ITSN1: variants seen among roughly 807,000 people sequenced by gnomAD.
ITSN1 encodes the protein intersectin 1, also known as intersectin-1.
In ITSN1, 58 loss-of-function variants were observed where a neutral mutation model predicts 239.8. The ratio of observed to expected loss-of-function variants is 0.24; its 90% confidence interval spans 0.20 to 0.30. The LOEUF (loss-of-function observed/expected upper bound fraction) is 0.30, where lower values mean the gene tolerates loss of function less well. Among genes scored for constraint, ITSN1 ranks in the 10% least tolerant of loss-of-function variants. The probability of loss-of-function intolerance (pLI) is 1.00; values close to 1 mark genes in which losing one functional copy is unlikely to be tolerated. For missense variants in ITSN1, 1,558 were observed against 2,103.3 expected, an observed-to-expected ratio of 0.74 and a Z score of 5.07; for synonymous variants, 780 against 770.8, an observed-to-expected ratio of 1.01 and a Z score of -0.20.
intron 29 of ITSN1, among the ~76,000 whole-genome samples, chr21:33,856,273 C>T (rs1256138020): frequency 6.6e-6 from 1 of 152,136 alleles, no homozygotes; most frequent in Non-Finnish European, 1.5e-5. Context: ...TTCTAGGGTG[C>T]CCTAACAAAC....
intron 1 of ITSN1, among the ~76,000 whole-genome samples, chr21:33,702,660 T>G (rs1053800496): frequency 3.2e-4 from 49 of 152,366 alleles, no homozygotes; most frequent in African/African-American, 1.2e-3. Flanking sequence ...TTTTGATTTT[T>G]ATTTTTTGGA....
At chr21:33,816,272 A>G (rs2073263410) in intron 22 of ITSN1, among the ~76,000 whole-genome samples, 1 of 152,126 alleles carries the variant, frequency 6.6e-6, no homozygotes, top group Non-Finnish European at 1.5e-5. Flanking sequence ...AGCTTTCTCT[A>G]GCAATGCTTC....
At chr21:33,775,707 G>T (rs990226738) in intron 14 of ITSN1, among the ~76,000 whole-genome samples, 2 of 152,108 alleles carry the variant, frequency 1.3e-5, no homozygotes, top group South Asian at 4.2e-4. Flanking sequence ...GTGGGAGCTG[G>T]ATCACACAGA....
intron 1 of ITSN1, among the ~76,000 whole-genome samples, chr21:33,690,777 A>G (rs181490217): frequency 0.055 from 1,051 of 19,218 alleles, 46 homozygotes; most frequent in African/African-American, 0.097. Flanking sequence ...AAAAAAGTGT[A>G]TATATATATA....
chr21:33,839,333 CA>C (rs1414680819), intron 29 of ITSN1, among the ~76,000 whole-genome samples: 9 of 152,034 alleles, frequency 5.9e-5, no homozygotes, highest in Non-Finnish European at 1.3e-4. Context: ...CTGGCAGGGC[CA>C]GGGGAGGGTG....
rs1279151590 is a variant in ITSN1 at position 33,893,602 on chromosome 21, A to G, written c.*5302A>G. 1 of 152,204 alleles carries G rather than the reference A, an allele frequency of 6.6e-6. No homozygotes were observed. Among genetic ancestry groups the G allele is most frequent in the African/African-American group, 2.4e-5 (1 of 41,424 alleles). 9.4% of individuals were successfully genotyped at this position (152,204 alleles called of 1,614,324 possible). A position where few individuals can be genotyped will look rare whatever the true frequency, so the allele number is the denominator to read the frequency against. On this transcript the variant is annotated 3_prime_UTR_variant, in exon 40 of 40. Transcript: ENST00000381318. ...GAGAGTCCTTCTCAAAACAAACAAA[A>G]AAAGAGCTAATGCAGACCTCTTCTG...
At chr21:33,654,864 C>T (rs2088898421) in intron 1 of ITSN1, among the ~76,000 whole-genome samples, 2 of 152,174 alleles carry the variant, frequency 1.3e-5, no homozygotes. Flanking sequence ...CCACTCTCTT[C>T]CAGTCTGTTC....
intron 29 of ITSN1, among the ~76,000 whole-genome samples, chr21:33,845,328 G>C (rs961542503): frequency 1.3e-5 from 2 of 152,086 alleles, no homozygotes; most frequent in Non-Finnish European, 2.9e-5. Context: ...AAGTGCAAAG[G>C]CCAGGGCTGA....
chr21:33,643,189 C>T (rs1048519462), intron 1 of ITSN1, among the ~76,000 whole-genome samples: 6 of 151,824 alleles, frequency 4.0e-5, no homozygotes, highest in African/African-American at 1.4e-4. Flanking sequence ...GCCTGGAGCC[C>T]CGGCTCCTTC....
At chr21:33,836,906 T>C in intron 29 of ITSN1, 1 of 1,211,808 alleles carries the variant, frequency 8.3e-7, no homozygotes, top group Non-Finnish European at 1.2e-6. Context: ...CCATGCTGTT[T>C]ACATGCCTGA....
chr21:33,740,831 A>G (rs1362451745), intron 5 of ITSN1, among the ~76,000 whole-genome samples: 2 of 152,228 alleles, frequency 1.3e-5, no homozygotes, highest in Non-Finnish European at 2.9e-5. Flanking sequence ...TTGGGAGGCC[A>G]AGGCTGGAGG....
At position 33,851,440 on chromosome 21, in the gene ITSN1, C is replaced by A. The variant is rs914579631; in HGVS notation, c.3662-5296C>A. On this transcript the variant is annotated intron_variant, in intron 29 of 39. Coordinates refer to ENST00000381318, the MANE Select transcript of ITSN1 (RefSeq NM_003024.3). ...TTGAGACAGAGTCTCGCTCTGTCAC[C>A]CAGGCTGGAGTGCAGTGGTGCGACC... Among the ~76,000 whole-genome samples the A allele has an allele frequency of 2.6e-5, 4 of 151,910 alleles. 1 individual carries two copies. The highest frequency in any genetic ancestry group is 9.7e-5 in the African/African-American group (4 of 41,318).
chr21:33,759,088 A>G lies in ITSN1; in HGVS notation c.725-2835A>G, dbSNP rs140740621. Among the ~76,000 whole-genome samples the G allele has an allele frequency of 2.0e-4, 31 of 152,384 alleles. No homozygotes were observed. In the East Asian group the frequency reaches 5.8e-3, roughly 28 times the overall value. On this transcript the variant is annotated intron_variant, in intron 8 of 39. Coordinates refer to ENST00000381318, the MANE Select transcript of ITSN1 (RefSeq NM_003024.3). ...GATTGGCAAACATTTTCTGTAAAGA[A>G]TAGCACAATAAATATTTTAGGCTCA...
chr21:33,688,614 C>T (rs1414500597), intron 1 of ITSN1, among the ~76,000 whole-genome samples: 3 of 151,938 alleles, frequency 2.0e-5, no homozygotes, highest in Non-Finnish European at 4.4e-5. Flanking sequence ...CATCAGTTTC[C>T]AATAGATCTA....
chr21:33,699,044 A>G (rs1321332231), intron 1 of ITSN1, among the ~76,000 whole-genome samples: 2 of 152,210 alleles, frequency 1.3e-5, no homozygotes, highest in Non-Finnish European at 2.9e-5. Context: ...AGATATAGAT[A>G]GATTAATACC....
intron 17 of ITSN1, among the ~76,000 whole-genome samples, chr21:33,795,482 C>G (rs1023433233): frequency 1.3e-5 from 2 of 152,246 alleles, no homozygotes; most frequent in East Asian, 1.9e-4. Context: ...GAAACGGATA[C>G]TTGAGGCAAG....
At position 33,792,349 on chromosome 21, in the gene ITSN1, C is replaced by T. The variant is rs1157748280; in HGVS notation, c.1825-1992C>T. On this transcript the variant is annotated intron_variant, in intron 16 of 39. Transcript: ENST00000381318. The stretch of plus-strand genomic sequence containing the variant: ...CCTCCCGAGTAGCTGGGACTGCAGG[C>T]GCCTGCCACCATGCCCGGCTAATTT... Among the ~76,000 whole-genome samples, 5 of 152,120 alleles carry T rather than the reference C, an allele frequency of 3.3e-5. No individual in the cohort carries two copies. The East Asian group carries it at 9.6e-4, about 29-fold the overall frequency.
intron 6 of ITSN1, 73 bp downstream of exon 6, chr21:33,750,395 C>A: frequency 7.5e-7 from 1 of 1,330,732 alleles, no homozygotes; most frequent in South Asian, 1.2e-5. Flanking sequence ...AAAATATTTT[C>A]TCTTCACGTT....
chr21:33,663,554 C>A (rs2089710762), intron 1 of ITSN1, among the ~76,000 whole-genome samples: 1 of 152,178 alleles, frequency 6.6e-6, no homozygotes, highest in African/African-American at 2.4e-5. Context: ...TGACATTCAC[C>A]CATCTGATTT....
Sources: gnomAD v4.1 joint callset for allele counts (sites outside exome capture counted in the v4.1 genomes callset) on GRCh38, gnomAD v4.1.1 for gene constraint, MANE v1.5 for transcripts, NCBI Gene and HGNC (gene_info 2026-07-23, HGNC 2026-07-21) for gene names.